The following CDH12 variants were observed in gnomAD, a reference collection of about 807,000 sequenced individuals.
CDH12 encodes cadherin 12.
A neutral mutation model predicts 74.1 loss-of-function variants in CDH12; 41 were observed. That is an observed-to-expected ratio of 0.55 (90% CI 0.43 to 0.72). CDH12 has a LOEUF of 0.72. Among genes scored for constraint, CDH12 ranks in the 30% least tolerant of loss-of-function variants. CDH12 has a pLI of 0.00. For missense variants in CDH12, 945 were observed against 977.2 expected (o/e 0.97, Z 0.44); for synonymous variants, 399 against 355.0 (o/e 1.12, Z -1.39).
chr5:21,915,822 C>CTGTGTGTTTG (rs1754061928), intron 6 of CDH12, among the ~76,000 whole-genome samples: 1 of 140,044 alleles, frequency 7.1e-6, no homozygotes, highest in Non-Finnish European at 1.5e-5. Context: ...ATCATTTGTG[C>CTGTGTGTTTG]TGTGTGTGTG....
intron 1 of CDH12, among the ~76,000 whole-genome samples, chr5:22,712,341 ATTAT>A (rs1045412943): frequency 6.6e-6 from 1 of 152,068 alleles, no homozygotes; most frequent in Non-Finnish European, 1.5e-5. Context: ...AGTTTGTTTT[ATTAT>A]TTAGAGTTCC....
At chr5:21,893,783 A>C in intron 6 of CDH12, among the ~76,000 whole-genome samples, 1 of 152,234 alleles carries the variant, frequency 6.6e-6, no homozygotes, top group East Asian at 1.9e-4. Flanking sequence ...GAAGCCCAGT[A>C]GAGTTATAAA....
At chr5:22,295,449 G>A (rs949400201) in intron 3 of CDH12, among the ~76,000 whole-genome samples, 10 of 152,014 alleles carry the variant, frequency 6.6e-5, no homozygotes, top group Non-Finnish European at 1.2e-4. Flanking sequence ...TTGGAAAAAA[G>A]CCTACAGTAT....
chr5:22,337,694 C>A (rs1739653270), intron 3 of CDH12, among the ~76,000 whole-genome samples: 2 of 152,298 alleles, frequency 1.3e-5, no homozygotes, highest in South Asian at 4.1e-4. Context: ...TTCTCTTTTG[C>A]AAATTGCCCA....
At chr5:22,505,098 A>T (rs901220372) in intron 2 of CDH12, among the ~76,000 whole-genome samples, 172 bp downstream of exon 2, 5 of 152,016 alleles carry the variant, frequency 3.3e-5, no homozygotes, top group Admixed American at 1.3e-4. Flanking sequence ...GGTTACTTCA[A>T]GTTTCATGAT....
intron 1 of CDH12, among the ~76,000 whole-genome samples, chr5:22,698,312 G>C (rs1288806296): frequency 6.6e-6 from 1 of 151,062 alleles, no homozygotes; most frequent in East Asian, 2.0e-4. Flanking sequence ...AGTAGAGATG[G>C]GGTTCACCAT....
intron 2 of CDH12, among the ~76,000 whole-genome samples, chr5:22,492,354 T>A (rs1377449272): frequency 6.6e-6 from 1 of 151,802 alleles, no homozygotes; most frequent in Admixed American, 6.6e-5. Flanking sequence ...AAAAATGTTT[T>A]TTTTTTTTTT....
At chr5:22,435,420 G>A (rs1361721867) in intron 2 of CDH12, among the ~76,000 whole-genome samples, 1 of 151,238 alleles carries the variant, frequency 6.6e-6, no homozygotes, top group Non-Finnish European at 1.5e-5. Context: ...ACATATATAT[G>A]TGTGTATATA....
At chr5:21,818,584 A>T (rs142475351) in intron 8 of CDH12, among the ~76,000 whole-genome samples, 2 of 151,970 alleles carry the variant, frequency 1.3e-5, no homozygotes, top group African/African-American at 2.4e-5. Flanking sequence ...GATCAGCCGT[A>T]TTTAAATCCA....
Position 21,802,367 on chromosome 5 carries a change from G to T in CDH12, c.1056C>A (p.Asn352Lys). 1 of 1,613,720 alleles carries T rather than the reference G, an allele frequency of 6.2e-7. No individual in the cohort carries two copies. Reference sequence around the variant, plus strand: ...AGTGAAACCGGTGGTCAAGGTGAAGGTTGGAAGCCTCAACTTTGAAAGTGT... The same window carrying T: ...AGTGAAACCGGTGGTCAAGGTGAAGTTTGGAAGCCTCAACTTTGAAAGTGT... ...KAYTFKVEAS[N>K]LHLDHRFHSA... The change falls in exon 10 of 15, where the codon AAC becomes AAA. Residue 352 changes from asparagine (N) to lysine (K), a missense_variant. Around this residue, in one of 3 missense-constraint regions of CDH12, gnomAD observed 791 missense variants for 792.8 expected, o/e 1.00. Transcript: ENST00000382254.
At position 22,371,345 on chromosome 5, in the gene CDH12, GA is replaced by G. The variant is rs1267919295; in HGVS notation, c.-333+33911del. 2.6e-5 allele frequency among the ~76,000 whole-genome samples: 4 copies of G among 151,936 alleles called. No homozygotes were observed. The East Asian group carries it at 7.7e-4, about 29-fold the overall frequency. On this transcript the variant is annotated intron_variant, in intron 3 of 14. Transcript: ENST00000382254. ...TATAAGTATTAAAAGCTAAAGCAAA[GA>G]AAAATTACATTAATCTTAACACATT... is the stretch of plus-strand genomic sequence containing the variant.
intron 12 of CDH12, among the ~76,000 whole-genome samples, chr5:21,762,013 T>C (rs1744753740): frequency 6.6e-6 from 1 of 152,144 alleles, no homozygotes; most frequent in Non-Finnish European, 1.5e-5. Flanking sequence ...ACAGACCCTA[T>C]GAAACCAACT....
chr5:21,806,253 A>G (rs538362045), intron 9 of CDH12, among the ~76,000 whole-genome samples: 7 of 152,284 alleles, frequency 4.6e-5, no homozygotes, highest in African/African-American at 1.7e-4. Context: ...GTGGCCTTGC[A>G]AAGCTATCTT....
intron 14 of CDH12, among the ~76,000 whole-genome samples, chr5:21,753,299 AGAG>A (rs1295562948): frequency 2.0e-5 from 3 of 152,160 alleles, no homozygotes; most frequent in African/African-American, 2.4e-5. Flanking sequence ...TTGGAAGGAG[AGAG>A]GAGATCTAGG....
At chr5:22,143,494 G>C (rs1473385052) in intron 4 of CDH12, 1 of 149,730 alleles carries the variant, frequency 6.7e-6, no homozygotes. Context: ...TCAGCCTCAT[G>C]AATAGCTGGG....
At chr5:22,648,896 A>G (rs1739580067) in intron 1 of CDH12, among the ~76,000 whole-genome samples, 1 of 152,000 alleles carries the variant, frequency 6.6e-6, no homozygotes, top group South Asian at 2.1e-4. Flanking sequence ...TTTAAGCTTA[A>G]CAAAATATCT....
At chr5:22,348,393 A>G (rs1397552318) in intron 3 of CDH12, among the ~76,000 whole-genome samples, 2 of 152,202 alleles carry the variant, frequency 1.3e-5, no homozygotes, top group African/African-American at 2.4e-5. Flanking sequence ...AGTCTGCTGA[A>G]CCAACAAAAT....
intron 6 of CDH12, chr5:21,883,461 C>A: frequency 1.2e-6 from 2 of 1,611,578 alleles, no homozygotes; most frequent in South Asian, 1.1e-5. Flanking sequence ...CTTGAATAGG[C>A]TAAAGGTTGG....
At chr5:22,045,614 A>AC (rs1554003558) in intron 5 of CDH12, among the ~76,000 whole-genome samples, 1 of 151,922 alleles carries the variant, frequency 6.6e-6, no homozygotes, top group African/African-American at 2.4e-5. Flanking sequence ...AAAAAAAAAA[A>AC]AAACAATAAA....
Sources: gnomAD v4.1 joint callset for allele counts (sites outside exome capture counted in the v4.1 genomes callset) on GRCh38, gnomAD v4.1.1 for gene constraint, gnomAD v4.1.1 regional missense constraint, MANE v1.5 for transcripts, NCBI Gene and HGNC (gene_info 2026-07-23, HGNC 2026-07-21) for gene names.